The following TELO2 variants were observed in gnomAD, a reference collection of about 807,000 sequenced individuals.
The protein encoded by TELO2 is telomere length regulation protein TEL2 homolog.
TELO2 carries 71 observed loss-of-function variants against 91.0 expected under a neutral mutation model. That is an observed-to-expected ratio of 0.78 (90% CI 0.64 to 0.95). The LOEUF (loss-of-function observed/expected upper bound fraction) is 0.95, where lower values mean the gene tolerates loss of function less well. Among genes scored for constraint, TELO2 ranks in the 40% least tolerant of loss-of-function variants. TELO2 has a pLI of 0.00. For missense variants in TELO2, 1,183 were observed against 1,141.3 expected (o/e 1.04, Z -0.53); for synonymous variants, 584 against 518.9 (o/e 1.13, Z -1.71).
At chr16:1,502,525 C>CCG (rs2039728082) in intron 13 of TELO2, 120 bp from the exon 14 acceptor site, 2 of 1,504,004 alleles carry the variant, frequency 1.3e-6, no homozygotes, top group African/African-American at 2.7e-5. Flanking sequence ...CTGCCTCTCC[C>CCG]GGGGGGCCTG....
rs1479836042 is a variant in TELO2 at position 1,505,059 on chromosome 16, C to T, written c.1843-351C>T. ...TCTGCAATGTTCTGAGGTCCCCCCG[C>T]CCGTGGCACGTGCCGCTGCAGCGTT... On this transcript the variant is annotated intron_variant, in intron 15 of 20. Transcript: ENST00000262319. The surrounding 1 kb of genome is among the most constrained non-coding windows in gnomAD (Gnocchi z 4.3). 4 of 234,264 alleles carry T rather than the reference C, an allele frequency of 1.7e-5. No homozygotes were observed. The Admixed American group carries it at 2.0e-4, about 12-fold the overall frequency. The allele number at this position is 234,264 out of a possible 1,614,324, so 14.5% of individuals were successfully genotyped here.
rs1334857117 is a variant in TELO2 at position 1,500,739 on chromosome 16, C to T, written c.1281+40C>T. 5 of 1,601,574 alleles carry T rather than the reference C, an allele frequency of 3.1e-6. No individual in the cohort carries two copies. The East Asian group carries it at 9.0e-5, about 29-fold the overall frequency. ...CCCTCCGCGTCCCCGTGTGGCTGGC[C>T]CGGGTCTCCCGAGCGGCTGCCTCTC... On this transcript the variant is annotated intron_variant, in intron 9 of 20. Transcript: ENST00000262319.
Position 1,506,635 on chromosome 16 carries a change from G to A in TELO2, c.2126+306G>A, listed in dbSNP as rs1167305728. ...GCCCTGCTCGCCTCCTCCTGCCTCA[G>A]CCGGCGCTGCACTGGCCCCACGTTC... On this transcript the variant is annotated intron_variant, in intron 17 of 20. Coordinates refer to ENST00000262319, the MANE Select transcript of TELO2 (RefSeq NM_016111.4). 32 of 1,380,810 alleles carry A rather than the reference G, an allele frequency of 2.3e-5. No individual in the cohort carries two copies. The Admixed American group carries it at 9.8e-4, about 42-fold the overall frequency. The allele number at this position is 1,380,810 out of a possible 1,614,324, so 85.5% of individuals were successfully genotyped here.
At chr16:1,499,701 G>T (rs566142875) in intron 6 of TELO2, among the ~76,000 whole-genome samples, 30 of 152,284 alleles carry the variant, frequency 2.0e-4, no homozygotes, top group South Asian at 6.2e-4. Flanking sequence ...GAGCCCGGAG[G>T]GGGTGAGCCA....
At chr16:1,499,781 C>T (rs1462065632) in intron 6 of TELO2, among the ~76,000 whole-genome samples, 1 of 152,250 alleles carries the variant, frequency 6.6e-6, no homozygotes, top group African/African-American at 2.4e-5. Context: ...CACCCTCCTC[C>T]TTTGCTCACA....
At position 1,498,714 on chromosome 16, in the gene TELO2, A is replaced by G. The variant is rs570357850; in HGVS notation, c.831-517A>G. ...CCTCCCAAATGTTTTTTTAACCGTT[A>G]TTTCTTTGTGTGGAATTTTAAGTGA... On this transcript the variant is annotated intron_variant, in intron 5 of 20. Transcript: ENST00000262319. 6.0e-5 allele frequency among the ~76,000 whole-genome samples: 5 copies of G among 82,728 alleles called. No individual in the cohort carries two copies. In the South Asian group the frequency reaches 2.0e-3, roughly 33 times the overall value. The allele number at this position is 82,728 out of a possible 152,430, so 54.3% of individuals were successfully genotyped here.
At chr16:1,507,415 C>T in intron 19 of TELO2, 45 bp downstream of exon 19, 1 of 1,602,694 alleles carries the variant, frequency 6.2e-7, no homozygotes, top group Non-Finnish European at 8.5e-7. Flanking sequence ...TGCAGGCAGA[C>T]ACAGGGGTCT....
At chr16:1,501,360 C>T (rs548461948) in intron 9 of TELO2, 60 bp from the exon 10 acceptor site, 65 of 1,557,444 alleles carry the variant, frequency 4.2e-5, no homozygotes, top group Non-Finnish European at 4.9e-5. Context: ...CCCGTGGCTC[C>T]GTCTCGGGGA....
At position 1,493,796 on chromosome 16, in the gene TELO2, T is replaced by A. The variant is rs1447557595; in HGVS notation, c.-37+191T>A. ...CCCCGAACCCGTGTTCCCCGTAAGC[T>A]GTTGGTTTCTAAGGGGCGGAGGAAT... On this transcript the variant is annotated intron_variant, in intron 1 of 20. Coordinates refer to ENST00000262319, the MANE Select transcript of TELO2 (RefSeq NM_016111.4). The surrounding 1 kb of genome is among the most constrained non-coding windows in gnomAD (Gnocchi z 4.3). 6.6e-6 allele frequency among the ~76,000 whole-genome samples: 1 copy of A among 152,146 alleles called. No homozygotes were observed. The highest frequency in any genetic ancestry group is 2.4e-5 in the African/African-American group (1 of 41,434).
Position 1,497,199 on chromosome 16 carries a change from C to T in TELO2, c.682+95C>T, listed in dbSNP as rs936471350. On this transcript the variant is annotated intron_variant, in intron 4 of 20. Transcript: ENST00000262319. The surrounding 1 kb of genome is among the most constrained non-coding windows in gnomAD (Gnocchi z 4.0). The stretch of plus-strand genomic sequence containing the variant: ...CCGAGAATCCCTCCTGACCCTGGCC[C>T]TCTGCAGGGTCCCCTTGCCCGGTCC... The T allele has an allele frequency of 3.2e-6, 5 of 1,544,238 alleles. No individual in the cohort carries two copies. The African/African-American group carries it at 4.1e-5, about 13-fold the overall frequency.
At chr16:1,499,453 G>T in intron 6 of TELO2, 120 bp downstream of exon 6, 1 of 1,146,498 alleles carries the variant, frequency 8.7e-7, no homozygotes, top group South Asian at 1.3e-5. Context: ...TTTGGCAGTG[G>T]CTGGCAGGAG....
At chr16:1,499,105 A>G in intron 5 of TELO2, 126 bp from the exon 6 acceptor site, 1 of 882,398 alleles carries the variant, frequency 1.1e-6, no homozygotes, top group East Asian at 2.6e-5. Flanking sequence ...ATGGAACCAG[A>G]GGCTCGTGGC....
chr16:1,494,885 G>A lies in TELO2; in HGVS notation c.335+269G>A, dbSNP rs953037781. 1.3e-5 allele frequency among the ~76,000 whole-genome samples: 2 copies of A among 152,224 alleles called. No individual in the cohort carries two copies. Among genetic ancestry groups the A allele is most frequent in the East Asian group, 3.8e-4 (2 of 5,196 alleles). On this transcript the variant is annotated intron_variant, in intron 2 of 20. Coordinates refer to ENST00000262319, the MANE Select transcript of TELO2 (RefSeq NM_016111.4). This position sits in a 1 kb window ranked among gnomAD's most constrained non-coding sequence, Gnocchi z 5.6. ...GGGAGTGTTCACATCCCAGGCGGCAGAGGCAGCCCGTCAGCTGGGGACGTT... is the reference window on the plus strand; with the variant it reads ...GGGAGTGTTCACATCCCAGGCGGCAAAGGCAGCCCGTCAGCTGGGGACGTT...
rs878853271 is a variant in TELO2, at chr16:1,506,984, A to T, written c.2159A>T (p.Asp720Val). 54 of 1,612,030 alleles carry T rather than the reference A, an allele frequency of 3.3e-5. No individual in the cohort carries two copies. Among genetic ancestry groups the T allele is most frequent in the Non-Finnish European group, 4.3e-5 (51 of 1,179,280 alleles). The change falls in exon 18 of 21, where the codon GAC (aspartate) becomes GTC (valine). Residue 720 changes from aspartate (D) to valine (V), a missense_variant. Transcript: ENST00000262319. ...GTGACCTTCGACCTCTTGGGAGAAG[A>T]CCAGCTGGTTCTCGGAAGGCTGGCG... The part of the protein sequence containing the change: ...PLVTFDLLGE[D>V]QLVLGRLAHT...
chr16:1,507,887 T>TGG (rs1567308023), intron 20 of TELO2, among the ~76,000 whole-genome samples, 171 bp downstream of exon 20: 5,800 of 106,302 alleles, frequency 0.055, 238 homozygotes, highest in African/African-American at 0.083. Flanking sequence ...TGTGTGTGTG[T>TGG]GTGTGTGATG....
In TELO2 at chr16:1,507,849, GGTGTGTGTGTGTGT is replaced by G. The variant is rs560652753; in HGVS notation, c.2407+165_2407+178del. 1,287 of 307,832 alleles carry G rather than the reference GGTGTGTGTGTGTGT, an allele frequency of 4.2e-3. 32 individuals are homozygous for G. The highest frequency in any genetic ancestry group is 7.9e-3 in the African/African-American group (168 of 21,206). The allele number at this position is 307,832 out of a possible 1,614,324, so 19.1% of individuals were successfully genotyped here. A position where few individuals can be genotyped will look rare whatever the true frequency, so the allele number is the denominator to read the frequency against. On this transcript the variant is annotated intron_variant, in intron 20 of 20. Coordinates refer to ENST00000262319, the MANE Select transcript of TELO2 (RefSeq NM_016111.4). ...GTGTGTGTGATGTGTGTTGGCCCGG[GGTGTGTGTGTGTGT>G]GTGTGTGTGTGTGTGTGTGTGTGTG...
Position 1,502,713 on chromosome 16 carries a change from G to T in TELO2, c.1722G>T (p.Gly574=), listed in dbSNP as rs1246466212. The part of the protein sequence containing the change: ...EEKTCVVGFA[G]LRQRALVAVT... ...AGACCTGTGTGGTGGGATTTGCAGG[G>T]CTGCGCCAGAGAGCCCTGGTGGCCG... Residue 574 remains glycine (G), a synonymous_variant, in exon 14 of 21, where the codon GGG becomes GGT. Coordinates refer to ENST00000262319, the MANE Select transcript of TELO2 (RefSeq NM_016111.4). 1 of 1,612,760 alleles carries T rather than the reference G, an allele frequency of 6.2e-7. No homozygotes were observed. The highest frequency in any genetic ancestry group is 1.6e-4 in the Middle Eastern group (1 of 6,062).
chr16:1,501,238 C>T (rs2039665228), intron 9 of TELO2, among the ~76,000 whole-genome samples, 182 bp from the exon 10 acceptor site: 1 of 152,224 alleles, frequency 6.6e-6, no homozygotes, highest in South Asian at 2.1e-4. Flanking sequence ...CAGTGCTACC[C>T]TTGGCCTGAG....
Position 1,495,209 on chromosome 16 carries a change from C to T in TELO2, c.336-137C>T, listed in dbSNP as rs560447071. The T allele has an allele frequency of 2.6e-5, 32 of 1,241,690 alleles. No individual in the cohort carries two copies. In the East Asian group the frequency reaches 5.1e-4, roughly 20 times the overall value. 76.9% of individuals were successfully genotyped at this position (1,241,690 alleles called of 1,614,324 possible). On this transcript the variant is annotated intron_variant, in intron 2 of 20. Coordinates refer to ENST00000262319, the MANE Select transcript of TELO2 (RefSeq NM_016111.4). The stretch of plus-strand genomic sequence containing the variant: ...GAATGGATTAACAGATTTTCCCATC[C>T]GGCTTGTGGTTTTGGACTTCACGCT...
Sources: allele counts gnomAD v4.1 joint callset (sites outside exome capture counted in the v4.1 genomes callset), GRCh38; gene constraint gnomAD v4.1.1; non-coding constraint Gnocchi (gnomAD v3.1); transcripts MANE v1.5; gene names NCBI Gene and HGNC (gene_info 2026-07-23, HGNC 2026-07-21).